ADAMTS14: variants seen among roughly 807,000 people sequenced by gnomAD.
ADAMTS14 encodes the protein A disintegrin and metalloproteinase with thrombospondin motifs 14.
In ADAMTS14, 100 loss-of-function variants were observed where a neutral mutation model predicts 128.6. The ratio of observed to expected loss-of-function variants is 0.78; its 90% CI spans 0.66 to 0.92. The LOEUF is 0.92. Among genes scored for constraint, ADAMTS14 ranks in the 40% least tolerant of loss-of-function variants. The pLI is 0.00. For missense variants in ADAMTS14, 1,562 were observed against 1,658.6 expected (o/e 0.94, Z 1.01); for synonymous variants, 665 against 653.8 (o/e 1.02, Z -0.26).
intron 4 of ADAMTS14, among the ~76,000 whole-genome samples, chr10:70,728,312 T>C (rs1841509493): frequency 6.6e-6 from 1 of 152,262 alleles, no homozygotes; most frequent in Admixed American, 6.5e-5. Context: ...ACACGTGGCA[T>C]GATGCAGGTT....
intron 21 of ADAMTS14, among the ~76,000 whole-genome samples, chr10:70,758,532 T>C: frequency 6.6e-6 from 1 of 152,252 alleles, no homozygotes; most frequent in East Asian, 1.9e-4. Context: ...AAATCTGACC[T>C]GAACTAATGA....
In ADAMTS14 at chr10:70,674,563, C is replaced by A; in HGVS notation, c.90C>A (p.His30Gln). ...TTTGTTTACCTCCAACAGAGCTGCA[C>A]CTCTCTGGAAAGCTCAGTGACTATG... ...AAAGSRTPEL[H>Q]LSGKLSDYGV... The change falls in exon 2 of 22, where the codon CAC becomes CAA. Residue 30 changes from histidine (H) to glutamine (Q), a missense_variant. Physicochemically the swap from His to Gln is conservative, Grantham distance 24. Coordinates refer to ENST00000373207, the MANE Select transcript of ADAMTS14 (RefSeq NM_080722.4). 6.2e-7 allele frequency: 1 copy of A among 1,610,330 alleles called. No individual in the cohort carries two copies. The highest frequency in any genetic ancestry group is 8.5e-7 in the Non-Finnish European group (1 of 1,177,218).
chr10:70,701,378 G>A (rs991613349), intron 2 of ADAMTS14, among the ~76,000 whole-genome samples: 1 of 152,202 alleles, frequency 6.6e-6, no homozygotes, highest in East Asian at 1.9e-4. Flanking sequence ...GATATTTGTC[G>A]AACGAGTGAA....
At chr10:70,758,807 A>G (rs1242868731) in intron 21 of ADAMTS14, among the ~76,000 whole-genome samples, 1 of 152,172 alleles carries the variant, frequency 6.6e-6, no homozygotes, top group Non-Finnish European at 1.5e-5. Flanking sequence ...CAATAGGCCT[A>G]GCAATTTCTC....
chr10:70,711,953 C>A (rs1343628193), intron 4 of ADAMTS14, among the ~76,000 whole-genome samples: 1 of 152,130 alleles, frequency 6.6e-6, no homozygotes, highest in Non-Finnish European at 1.5e-5. Context: ...AAGTCTGTCC[C>A]TGGCCGCCCC....
rs778003577 is a variant in ADAMTS14 at position 70,741,016 on chromosome 10, G to A, written c.1778G>A (p.Gly593Glu). ...SPAYGGRLCL[G>E]PMFEYQVCNS... ...GCCTATGGAGGCCGCCTGTGCTTAGGGCCCATGTTCGAGTACCAGGTCTGC... is the reference window on the plus strand; with the variant it reads ...GCCTATGGAGGCCGCCTGTGCTTAGAGCCCATGTTCGAGTACCAGGTCTGC... The change falls in exon 12 of 22, where the codon GGG becomes GAG. Residue 593 changes from glycine (G) to glutamate (E), a missense_variant. Transcript: ENST00000373207. 1.7e-5 allele frequency: 27 copies of A among 1,613,972 alleles called. No homozygotes were observed. Among genetic ancestry groups the A allele is most frequent in the Admixed American group, 1.3e-4 (8 of 60,006 alleles).
At position 70,684,048 on chromosome 10, in the gene ADAMTS14, C is replaced by G. The variant is rs531257875; in HGVS notation, c.522+9053C>G. On this transcript the variant is annotated intron_variant, in intron 2 of 21. Transcript: ENST00000373207. ...TCTGCAGGTTGTACAGGAAGCATAG[C>G]GGCTTCCACTACTGGGGAGGCCTGA... 7.7e-4 allele frequency among the ~76,000 whole-genome samples: 117 copies of G among 151,910 alleles called. 1 individual carries two copies. Among genetic ancestry groups the G allele is most frequent in the South Asian group, 4.2e-4 (2 of 4,800 alleles).
At chr10:70,699,834 G>A (rs1240046263) in intron 2 of ADAMTS14, among the ~76,000 whole-genome samples, 2 of 152,138 alleles carry the variant, frequency 1.3e-5, no homozygotes, top group Non-Finnish European at 2.9e-5. Context: ...TCCACTTCCT[G>A]GTCTGGAGAG....
chr10:70,720,871 A>C (rs1435885739), intron 4 of ADAMTS14, among the ~76,000 whole-genome samples: 1 of 152,202 alleles, frequency 6.6e-6, no homozygotes, highest in East Asian at 1.9e-4. Context: ...CATATGTACC[A>C]TATTTCATCA....
At chr10:70,695,066 C>G (rs1212489873) in intron 2 of ADAMTS14, among the ~76,000 whole-genome samples, 1 of 152,138 alleles carries the variant, frequency 6.6e-6, no homozygotes, top group Non-Finnish European at 1.5e-5. Context: ...TTCAAGCCAT[C>G]CTATTTCTTT....
At chr10:70,692,573 T>A (rs1489146255) in intron 2 of ADAMTS14, among the ~76,000 whole-genome samples, 13 of 152,230 alleles carry the variant, frequency 8.5e-5, no homozygotes, top group Non-Finnish European at 1.9e-4. Context: ...GATTCTGTGT[T>A]CATTGTGGTA....
At chr10:70,759,129 T>TTTTTTTTTTTTTTTTTTTTTTTTTTTG (rs1485675752) in intron 21 of ADAMTS14, among the ~76,000 whole-genome samples, 3 of 112,608 alleles carry the variant, frequency 2.7e-5, no homozygotes, top group South Asian at 2.9e-4. Flanking sequence ...TCCAATCTTC[T>TTTTTTTTTTTTTTTTTTTTTTTTTTTG]ACTTCTCTGC....
At position 70,752,087 on chromosome 10, in the gene ADAMTS14, C is replaced by A; in HGVS notation, c.2597-8C>A. On this transcript the variant is annotated splice_polypyrimidine_tract_variant and splice_region_variant and intron_variant, in intron 17 of 21. Transcript: ENST00000373207. ...GACTAGGCCCACGGCAGCCTGCCCA[C>A]CCCATAGGGATCCAGTTCACCAAAT... is the stretch of plus-strand genomic sequence containing the variant. The A allele has an allele frequency of 6.2e-7, 1 of 1,610,886 alleles. No individual in the cohort carries two copies. Among genetic ancestry groups the A allele is most frequent in the Non-Finnish European group, 8.5e-7 (1 of 1,178,694 alleles).
intron 4 of ADAMTS14, among the ~76,000 whole-genome samples, chr10:70,726,081 A>G (rs932978225): frequency 1.3e-5 from 2 of 152,322 alleles, no homozygotes; most frequent in Admixed American, 1.3e-4. Flanking sequence ...CTTTCTGTTT[A>G]CATAGCATTT....
chr10:70,731,092 G>A (rs374283534), intron 6 of ADAMTS14, among the ~76,000 whole-genome samples: 7 of 55,486 alleles, frequency 1.3e-4, no homozygotes, highest in Non-Finnish European at 2.4e-4. Flanking sequence ...ACACACACAC[G>A]TACAGACATC....
chr10:70,718,804 C>T (rs1477973986), intron 4 of ADAMTS14, among the ~76,000 whole-genome samples: 1 of 152,012 alleles, frequency 6.6e-6, no homozygotes, highest in East Asian at 1.9e-4. Context: ...GACTCAGTCT[C>T]CTAAGCACCA....
chr10:70,735,512 T>C (rs1486884058), intron 9 of ADAMTS14, among the ~76,000 whole-genome samples: 2 of 152,260 alleles, frequency 1.3e-5, no homozygotes, highest in East Asian at 3.9e-4. Flanking sequence ...GCATTAGCCC[T>C]GGGAAAGATG....
intron 10 of ADAMTS14, 67 bp downstream of exon 10, chr10:70,736,860 G>C (rs1841845417): frequency 1.0e-5 from 15 of 1,433,600 alleles, no homozygotes; most frequent in Non-Finnish European, 1.5e-5. Flanking sequence ...TGGCATGGGG[G>C]TGGATCCCAG....
chr10:70,741,190 C>G, intron 12 of ADAMTS14, 28 bp downstream of exon 12: 1 of 1,608,124 alleles, frequency 6.2e-7, no homozygotes, highest in Non-Finnish European at 8.5e-7. Context: ...CCCTCCCACT[C>G]CATGTCCTTA....
Sources: allele counts gnomAD v4.1 joint callset (sites outside exome capture counted in the v4.1 genomes callset), GRCh38; gene constraint gnomAD v4.1.1; transcripts MANE v1.5; gene names NCBI Gene and HGNC (gene_info 2026-07-23, HGNC 2026-07-21).